Variants in USP38 observed in about 807,000 individuals in gnomAD.
The protein encoded by USP38 is ubiquitin carboxyl-terminal hydrolase 38.
USP38 carries 49 observed loss-of-function variants against 94.3 expected under a neutral mutation model. The observed-to-expected ratio is 0.52, with a 90% confidence interval of 0.41 to 0.66. The LOEUF (loss-of-function observed/expected upper bound fraction) is 0.66, where lower values mean the gene tolerates loss of function less well. USP38 is among the 30% of genes least tolerant of loss of function. The probability of loss-of-function intolerance (pLI) is 0.00; values close to 1 mark genes in which losing one functional copy is unlikely to be tolerated. For synonymous variants in USP38, 468 were observed against 463.6 expected, an observed-to-expected ratio of 1.01 and a Z score of -0.12; for missense variants, 1,128 against 1,229.4, an observed-to-expected ratio of 0.92 and a Z score of 1.23.
intron 6 of USP38, among the ~76,000 whole-genome samples, chr4:143,208,457 A>C (rs1046543049): frequency 2.6e-5 from 4 of 152,142 alleles, no homozygotes; most frequent in Non-Finnish European, 2.9e-5. Flanking sequence ...TTGAACTCTG[A>C]TACCAATATA....
Position 143,185,262 on chromosome 4 carries a change from C to G in USP38, c.-189C>G. 3.0e-6 allele frequency: 2 copies of G among 664,144 alleles called. No homozygotes were observed. Among genetic ancestry groups the G allele is most frequent in the South Asian group, 2.0e-5 (1 of 48,948 alleles). 41.1% of individuals were successfully genotyped at this position (664,144 alleles called of 1,614,324 possible). A position where few individuals can be genotyped will look rare whatever the true frequency, so the allele number is the denominator to read the frequency against. ...TTCTTAGGCTCTCCAGGCTCGCTAG[C>G]TCCCGCCCCGGCTTGGATGGGTCTC... On this transcript the variant is annotated 5_prime_UTR_variant, in exon 1 of 10. Coordinates refer to ENST00000307017, the MANE Select transcript of USP38 (RefSeq NM_032557.6).
rs746228395 is a variant in USP38 at position 143,185,714 on chromosome 4, CCTT to C, written c.266_268del (p.Leu89del). The C allele has an allele frequency of 6.2e-7, 1 of 1,614,178 alleles. No individual in the cohort carries two copies. Among genetic ancestry groups the C allele is most frequent in the Non-Finnish European group, 8.5e-7 (1 of 1,180,034 alleles). ...TCAACAAGACCTTCGTGTTGGGCCT[CCTT>C]CATCAGGGCTACCACTCTCTGGACA... On this transcript the variant is annotated inframe_deletion, in exon 1 of 10. Transcript: ENST00000307017.
rs1050329251 is a variant in USP38 at position 143,222,221 on chromosome 4, C to T, written c.*1765C>T. ...AGCTTTATCTATGAATATCAGGTCTCTCAAGGATTTTATGTATCAAGATAA... is the reference window on the plus strand; with the variant it reads ...AGCTTTATCTATGAATATCAGGTCTTTCAAGGATTTTATGTATCAAGATAA... On this transcript the variant is annotated 3_prime_UTR_variant, in exon 10 of 10. Transcript: ENST00000307017. 2 of 152,008 alleles carry T rather than the reference C, an allele frequency of 1.3e-5. No homozygotes were observed. The highest frequency in any genetic ancestry group is 4.8e-5 in the African/African-American group (2 of 41,422). 9.4% of individuals were successfully genotyped at this position (152,008 alleles called of 1,614,324 possible). A position where few individuals can be genotyped will look rare whatever the true frequency, so the allele number is the denominator to read the frequency against.
intron 2 of USP38, 111 bp from the exon 3 acceptor site, chr4:143,195,605 T>A: frequency 8.6e-7 from 1 of 1,160,382 alleles, no homozygotes; most frequent in Non-Finnish European, 1.2e-6. Context: ...CACCAGCAAA[T>A]TCAGTAAATG....
chr4:143,195,630 G>A, intron 2 of USP38, 86 bp from the exon 3 acceptor site: 1 of 1,347,686 alleles, frequency 7.4e-7, no homozygotes, highest in Non-Finnish European at 9.9e-7. Context: ...TTCACAAAGT[G>A]AGTGATTATC....
chr4:143,201,074 A>G (rs62330280), intron 4 of USP38, among the ~76,000 whole-genome samples: 65,308 of 152,046 alleles, frequency 0.43, 15,554 homozygotes, highest in East Asian at 0.79. Context: ...AGCCACAGCA[A>G]TCCTAAGCAA....
intron 5 of USP38, 51 bp downstream of exon 5, chr4:143,203,617 G>T (rs1223486447): frequency 6.5e-7 from 1 of 1,534,578 alleles, no homozygotes; most frequent in African/African-American, 1.4e-5. Flanking sequence ...TATTAATAAG[G>T]TGAAACATTC....
At chr4:143,212,294 T>C (rs773294403) in intron 7 of USP38, 24 bp from the exon 8 acceptor site, 16 of 1,564,938 alleles carry the variant, frequency 1.0e-5, no homozygotes, top group Non-Finnish European at 1.2e-5. Flanking sequence ...CACTTCCTTA[T>C]ATTTTCTCAA....
chr4:143,219,574 C>A (rs1387121761), intron 9 of USP38, among the ~76,000 whole-genome samples: 2 of 152,044 alleles, frequency 1.3e-5, no homozygotes, highest in Non-Finnish European at 2.9e-5. Flanking sequence ...TTTTTACCAA[C>A]CCCATTTGAA....
intron 4 of USP38, among the ~76,000 whole-genome samples, chr4:143,201,544 G>A (rs1176620055): frequency 6.6e-6 from 1 of 152,154 alleles, no homozygotes; most frequent in Non-Finnish European, 1.5e-5. Context: ...CTTGGGCTTA[G>A]GAGTTGCTAA....
In USP38 at chr4:143,214,320, G is replaced by A; in HGVS notation, c.2344G>A (p.Asp782Asn). 6.2e-7 allele frequency: 1 copy of A among 1,612,796 alleles called. No homozygotes were observed. The highest frequency in any genetic ancestry group is 8.5e-7 in the Non-Finnish European group (1 of 1,179,598). ...QKYHVRRKILDNVSLPLVLEL... is the reference protein window; with the variant it reads ...QKYHVRRKILNNVSLPLVLEL... ...GTATCATGTGAGAAGGAAAATTTTA[G>A]ACAATGTATCACTGCCACTGGTTTT... Residue 782 changes from aspartate to asparagine, a missense_variant, in exon 9 of 10, where the codon GAC (aspartate) becomes AAC (asparagine). Asp to Asn is a conservative substitution (Grantham distance 23). Coordinates refer to ENST00000307017, the MANE Select transcript of USP38 (RefSeq NM_032557.6).
Position 143,213,930 on chromosome 4 carries a change from G to A in USP38, c.1954G>A (p.Gly652Ser), listed in dbSNP as rs772059421. The change falls in exon 9 of 10, where the codon GGT becomes AGT. Residue 652 changes from glycine (G) to serine (S), a missense_variant. Coordinates refer to ENST00000307017, the MANE Select transcript of USP38 (RefSeq NM_032557.6). The part of the protein sequence containing the change: ...DGGLMQASVP[G>S]PSEEPVVYNP... ...TGGTCTAATGCAAGCCTCTGTACCCGGTCCTTCAGAAGAACCAGTAGTTTA... is the reference window on the plus strand; with the variant it reads ...TGGTCTAATGCAAGCCTCTGTACCCAGTCCTTCAGAAGAACCAGTAGTTTA... 48 of 1,613,552 alleles carry A rather than the reference G, an allele frequency of 3.0e-5. No homozygotes were observed. Among genetic ancestry groups the A allele is most frequent in the African/African-American group, 9.4e-5 (7 of 74,848 alleles).
rs756164245 is a variant in USP38, at chr4:143,210,433, A to G, written c.1497+776A>G. Among the ~76,000 whole-genome samples, 9 of 152,098 alleles carry G rather than the reference A, an allele frequency of 5.9e-5. No homozygotes were observed. In the East Asian group the frequency reaches 7.7e-4, roughly 13 times the overall value. ...GAAACCCCATCTCTACTAAAAATAC[A>G]AAAATTAGCCAGGCATGGTGGCACA... On this transcript the variant is annotated intron_variant, in intron 7 of 9. Coordinates refer to ENST00000307017, the MANE Select transcript of USP38 (RefSeq NM_032557.6).
Position 143,185,172 on chromosome 4 carries a change from A to C in USP38, c.-279A>C, listed in dbSNP as rs1731171968. On this transcript the variant is annotated 5_prime_UTR_variant, in exon 1 of 10. Coordinates refer to ENST00000307017, the MANE Select transcript of USP38 (RefSeq NM_032557.6). The stretch of plus-strand genomic sequence containing the variant: ...CCCCTCGGCGCTGATGCTGAGTGGG[A>C]TCGAGGGCCCGGGGCGGCGGCGGAG... The C allele has an allele frequency of 3.0e-6, 1 of 332,576 alleles. No individual in the cohort carries two copies. Among genetic ancestry groups the C allele is most frequent in the Non-Finnish European group, 5.5e-6 (1 of 181,962 alleles). The allele number at this position is 332,576 out of a possible 1,614,324, so 20.6% of individuals were successfully genotyped here. A position where few individuals can be genotyped will look rare whatever the true frequency, so the allele number is the denominator to read the frequency against.
At chr4:143,206,829 AC>A (rs1731882018) in intron 6 of USP38, among the ~76,000 whole-genome samples, 1 of 152,134 alleles carries the variant, frequency 6.6e-6, no homozygotes, top group Non-Finnish European at 1.5e-5. Flanking sequence ...ATTTTTTTTA[AC>A]CTATACGTGT....
At position 143,213,909 on chromosome 4, in the gene USP38, C is replaced by A; in HGVS notation, c.1933C>A (p.Leu645Ile). The change falls in exon 9 of 10, where the codon CTA (leucine) becomes ATA (isoleucine). Residue 645 changes from leucine to isoleucine, a missense_variant. Coordinates refer to ENST00000307017, the MANE Select transcript of USP38 (RefSeq NM_032557.6). ...ATCACCCAGTATACAAGATGGTGGT[C>A]TAATGCAAGCCTCTGTACCCGGTCC... ...ASSPSIQDGG[L>I]MQASVPGPSE... 1 of 1,613,822 alleles carries A rather than the reference C, an allele frequency of 6.2e-7. No individual in the cohort carries two copies. Among genetic ancestry groups the A allele is most frequent in the South Asian group, 1.1e-5 (1 of 91,066 alleles).
At chr4:143,186,539 C>G (rs576193517) in intron 1 of USP38, among the ~76,000 whole-genome samples, 7 of 152,088 alleles carry the variant, frequency 4.6e-5, no homozygotes, top group Non-Finnish European at 7.4e-5. Context: ...GTTTTTCCCC[C>G]ATTTTTGTAT....
At chr4:143,202,107 G>A (rs565359596) in intron 4 of USP38, among the ~76,000 whole-genome samples, 24 of 151,986 alleles carry the variant, frequency 1.6e-4, no homozygotes, top group Non-Finnish European at 2.6e-4. Flanking sequence ...CTGACTTTTA[G>A]CAAGAGAATA....
intron 2 of USP38, among the ~76,000 whole-genome samples, chr4:143,192,629 C>A (rs1731430976): frequency 7.2e-6 from 1 of 138,292 alleles, no homozygotes; most frequent in African/African-American, 2.7e-5. Context: ...TTAGATGGAG[C>A]TTTCTGTGTG....
Sources: allele counts gnomAD v4.1 joint callset (sites outside exome capture counted in the v4.1 genomes callset), GRCh38; gene constraint gnomAD v4.1.1; transcripts MANE v1.5; gene names NCBI Gene and HGNC (gene_info 2026-07-23, HGNC 2026-07-21).